The following CHD9 variants were observed in gnomAD, a reference collection of about 807,000 sequenced individuals.
The protein encoded by CHD9 is ATP-dependent chromatin remodeler CHD9.
Under a neutral mutation model 316.1 loss-of-function variants are expected in CHD9, and 77 were observed. The observed-to-expected ratio is 0.24, with a 90% confidence interval of 0.20 to 0.29. The LOEUF (loss-of-function observed/expected upper bound fraction) is 0.29, where lower values mean the gene tolerates loss of function less well. Ranked by LOEUF, CHD9 falls within the 10% of genes least tolerant of loss-of-function variation. The probability of loss-of-function intolerance (pLI) is 1.00; values close to 1 mark genes in which losing one functional copy is unlikely to be tolerated. For missense variants in CHD9, 2,763 were observed against 3,438.1 expected (o/e 0.80, Z 4.91); for synonymous variants, 1,129 against 1,158.3 (o/e 0.97, Z 0.51).
intron 10 of CHD9, among the ~76,000 whole-genome samples, chr16:53,232,388 C>A (rs543252165): frequency 6.6e-6 from 1 of 152,230 alleles, no homozygotes; most frequent in East Asian, 1.9e-4. Context: ...AGAATCTCTT[C>A]TGGAGCTTTT....
intron 1 of CHD9, among the ~76,000 whole-genome samples, chr16:53,080,977 C>G (rs529969310): frequency 1.3e-5 from 2 of 152,342 alleles, no homozygotes; most frequent in East Asian, 1.9e-4. Context: ...TTGGCCAGTG[C>G]TGGCTCACAG....
At chr16:53,119,857 A>G (rs1321031299) in intron 1 of CHD9, among the ~76,000 whole-genome samples, 4 of 152,072 alleles carry the variant, frequency 2.6e-5, no homozygotes, top group African/African-American at 9.7e-5. Context: ...AACAAAAACA[A>G]GTCAAGAAAT....
chr16:53,290,584 T>A (rs2054250466), intron 27 of CHD9, among the ~76,000 whole-genome samples: 1 of 148,888 alleles, frequency 6.7e-6, no homozygotes, highest in Non-Finnish European at 1.5e-5. Flanking sequence ...AGCCCAGGAG[T>A]TCAAGGCCAG....
intron 36 of CHD9, among the ~76,000 whole-genome samples, chr16:53,317,194 G>T (rs4783808): frequency 0.44 from 64,624 of 147,480 alleles, 14,606 homozygotes; most frequent in South Asian, 0.56. Context: ...AAAGAGGATA[G>T]GACTGTAAGC....
At position 53,314,438 on chromosome 16, in the gene CHD9, C is replaced by CA; in HGVS notation, c.7291dup (p.Arg2431LysfsTer12). The CA allele has an allele frequency of 1.3e-6, 2 of 1,587,026 alleles. No homozygotes were observed. The highest frequency in any genetic ancestry group is 1.1e-5 in the South Asian group (1 of 86,986). On this transcript the variant is annotated frameshift_variant, in exon 35 of 39. Transcript: ENST00000447540. LOFTEE classifies it high-confidence loss of function. ...TGATATTAGACAACCAGCCTATAGTCAAAAAAAGGCGAGGAAGGAGGAAGA... is the reference window on the plus strand; with the variant it reads ...TGATATTAGACAACCAGCCTATAGTCAAAAAAAAGGCGAGGAAGGAGGAAGA...
At chr16:53,229,958 A>ATG (rs138544805) in intron 8 of CHD9, among the ~76,000 whole-genome samples, 16 of 151,738 alleles carry the variant, frequency 1.1e-4, no homozygotes, top group South Asian at 4.2e-4. Context: ...GTGCATGTGT[A>ATG]TGTGTGTGTG....
chr16:53,315,627 C>T (rs1443428512), intron 36 of CHD9, among the ~76,000 whole-genome samples: 1 of 152,060 alleles, frequency 6.6e-6, no homozygotes, highest in Admixed American at 6.6e-5. Context: ...CACAGGTGCA[C>T]ACCACCATGC....
At position 53,156,364 on chromosome 16, in the gene CHD9, A is replaced by T. The variant is rs1332896340; in HGVS notation, c.275A>T (p.His92Leu). Reference sequence around the variant, plus strand: ...CAATCTTTTGGTAGCCCAGCTGAACATGTGTTATCTCCACACTCTCAGTTT... The same window carrying T: ...CAATCTTTTGGTAGCCCAGCTGAACTTGTGTTATCTCCACACTCTCAGTTT... ...VNQSFGSPAE[H>L]VLSPHSQFNC... Residue 92 changes from histidine (H) to leucine (L), a missense_variant, in exon 2 of 39, where the codon CAT becomes CTT. His to Leu is a moderately conservative substitution (Grantham distance 99, BLOSUM62 -3). Transcript: ENST00000447540. 2 of 1,614,012 alleles carry T rather than the reference A, an allele frequency of 1.2e-6. No individual in the cohort carries two copies. Among genetic ancestry groups the T allele is most frequent in the Non-Finnish European group, 1.7e-6 (2 of 1,179,878 alleles).
rs182646660 is a variant in CHD9, at chr16:53,150,551, T to C, written c.-164-5375T>C. Among the ~76,000 whole-genome samples the C allele has an allele frequency of 1.3e-4, 20 of 152,340 alleles. No individual in the cohort carries two copies. In the South Asian group the frequency reaches 3.7e-3, roughly 28 times the overall value. Reference sequence around the variant, plus strand: ...AATAATGCTGGCCTTTATATTTACCTATATAATTACCTTTAGCAGCATTCT... The same window carrying C: ...AATAATGCTGGCCTTTATATTTACCCATATAATTACCTTTAGCAGCATTCT... On this transcript the variant is annotated intron_variant, in intron 1 of 38. Coordinates refer to ENST00000447540, the MANE Select transcript of CHD9 (RefSeq NM_001308319.2).
chr16:53,172,923 TA>T (rs2042870460), intron 2 of CHD9, among the ~76,000 whole-genome samples: 1 of 152,210 alleles, frequency 6.6e-6, no homozygotes. Context: ...ATTTTGCAGA[TA>T]TATTTTCTCC....
rs111427020 is a variant in CHD9, at chr16:53,066,402, C to A, written c.-165+11325C>A. Among the ~76,000 whole-genome samples, 16 of 152,280 alleles carry A rather than the reference C, an allele frequency of 1.1e-4. 1 individual carries two copies. The highest frequency in any genetic ancestry group is 2.2e-4 in the African/African-American group (9 of 41,540). ...GAGTCAGTATTTTGAAGCAAGCAGA[C>A]CTTTTACCAGCCTTAAAAAATGTAC... On this transcript the variant is annotated intron_variant, in intron 1 of 38. Coordinates refer to ENST00000447540, the MANE Select transcript of CHD9 (RefSeq NM_001308319.2).
At chr16:53,321,107 A>G (rs2057244305) in intron 37 of CHD9, 1 of 617,266 alleles carries the variant, frequency 1.6e-6, no homozygotes, top group African/African-American at 1.9e-5. Context: ...GAATTGTCTC[A>G]TTTTATCTTT....
chr16:53,231,816 T>G, intron 10 of CHD9, 32 bp downstream of exon 10: 1 of 1,552,900 alleles, frequency 6.4e-7, no homozygotes, highest in Non-Finnish European at 8.7e-7. Flanking sequence ...CTTTATAAAA[T>G]CTTAGCACTT....
chr16:53,228,646 A>C (rs2047887916), intron 7 of CHD9, among the ~76,000 whole-genome samples: 1 of 151,422 alleles, frequency 6.6e-6, no homozygotes, highest in African/African-American at 2.4e-5. Context: ...AGCGTTTTAA[A>C]TCACATTAGT....
In CHD9 at chr16:53,156,556, T is replaced by G. The variant is rs1327035897; in HGVS notation, c.467T>G (p.Phe156Cys). 3.7e-6 allele frequency: 6 copies of G among 1,613,868 alleles called. No homozygotes were observed. In the African/African-American group the frequency reaches 8.0e-5, roughly 22 times the overall value. The change falls in exon 2 of 39, where the codon TTT (phenylalanine) becomes TGT (cysteine). Residue 156 changes from phenylalanine (F) to cysteine (C), a missense_variant. By Grantham distance (205) the Phe-to-Cys change is radical. Coordinates refer to ENST00000447540, the MANE Select transcript of CHD9 (RefSeq NM_001308319.2). ...CACTCTATGCATCAAAATAAAAGCTTTGTGGCACACCATGACTTTGCCTTA... is the reference window on the plus strand; with the variant it reads ...CACTCTATGCATCAAAATAAAAGCTGTGTGGCACACCATGACTTTGCCTTA... ...HSHSMHQNKS[F>C]VAHHDFALFQ...
At chr16:53,208,445 G>C (rs536747579) in intron 2 of CHD9, 1 of 1,209,948 alleles carries the variant, frequency 8.3e-7, no homozygotes, top group African/African-American at 1.6e-5. Flanking sequence ...TGCTGCTACG[G>C]GAGTCGTACT....
intron 28 of CHD9, 115 bp from the exon 29 acceptor site, chr16:53,292,717 AT>A: frequency 1.3e-6 from 1 of 753,760 alleles, no homozygotes; most frequent in East Asian, 2.7e-5. Context: ...GATGAGAAAT[AT>A]GTTTTTTTTT....
chr16:53,114,814 C>G (rs942866692), intron 1 of CHD9, among the ~76,000 whole-genome samples: 10 of 150,680 alleles, frequency 6.6e-5, no homozygotes, highest in Non-Finnish European at 7.4e-5. Context: ...GTCTCGATCT[C>G]CTGACCTCGT....
chr16:53,138,162 T>C (rs1373476127), intron 1 of CHD9, among the ~76,000 whole-genome samples: 2 of 152,214 alleles, frequency 1.3e-5, no homozygotes, highest in Non-Finnish European at 2.9e-5. Flanking sequence ...TATTACTTTC[T>C]TAGTATACCT....
Sources: gnomAD v4.1 joint callset for allele counts (sites outside exome capture counted in the v4.1 genomes callset) on GRCh38, gnomAD v4.1.1 for gene constraint, MANE v1.5 for transcripts, NCBI Gene and HGNC (gene_info 2026-07-23, HGNC 2026-07-21) for gene names.